Variants in STK32B observed in about 807,000 individuals in gnomAD.
The protein encoded by STK32B is serine/threonine kinase 32B.
STK32B carries 43 observed loss-of-function variants against 52.6 expected under a neutral mutation model. The ratio of observed to expected loss-of-function variants is 0.82; its 90% CI spans 0.64 to 1.05. The LOEUF is 1.05. Among genes scored for constraint, STK32B ranks in the 50% least tolerant of loss-of-function variants. STK32B has a pLI of 0.00. For missense variants in STK32B, 621 were observed against 534.6 expected (o/e 1.16, Z -1.59); for synonymous variants, 238 against 204.3 (o/e 1.17, Z -1.41).
intron 5 of STK32B, among the ~76,000 whole-genome samples, chr4:5,414,626 GTGACCCATGCAGTA>G (rs1712003196): frequency 1.3e-5 from 2 of 152,304 alleles, no homozygotes; most frequent in East Asian, 3.9e-4. Context: ...AATTTTTAGA[GTGACCCATGCAGTA>G]TGATCTCATT....
At chr4:5,274,014 AAAAC>A (rs1043616676) in intron 3 of STK32B, among the ~76,000 whole-genome samples, 17 of 152,152 alleles carry the variant, frequency 1.1e-4, no homozygotes, top group African/African-American at 2.2e-4. Flanking sequence ...ACAAAAAAAC[AAAAC>A]AAACAAAAAA....
At chr4:5,416,114 C>G (rs985238215) in intron 5 of STK32B, among the ~76,000 whole-genome samples, 1 of 152,140 alleles carries the variant, frequency 6.6e-6, no homozygotes, top group Non-Finnish European at 1.5e-5. Flanking sequence ...CCAAATTCCC[C>G]AAAAAGCAAG....
At chr4:5,221,165 T>G (rs1723512616) in intron 3 of STK32B, among the ~76,000 whole-genome samples, 1 of 152,204 alleles carries the variant, frequency 6.6e-6, no homozygotes, top group Non-Finnish European at 1.5e-5. Flanking sequence ...GATTGATGGG[T>G]TAAGAATCTG....
Position 5,457,721 on chromosome 4 carries a change from C to T in STK32B, c.783+798C>T, listed in dbSNP as rs543219128. ...CGTCTCTCTAAAAATACAAAAGTAG[C>T]CACCTACAAAAGTAGGTGGCACATG... On this transcript the variant is annotated intron_variant, in intron 8 of 11. Coordinates refer to ENST00000282908, the MANE Select transcript of STK32B (RefSeq NM_018401.3). Among the ~76,000 whole-genome samples, 21 of 151,538 alleles carry T rather than the reference C, an allele frequency of 1.4e-4. No homozygotes were observed. In the South Asian group the frequency reaches 2.9e-3, roughly 21 times the overall value.
At position 5,051,838 on chromosome 4, in the gene STK32B, T is replaced by G. The variant is rs575547497; in HGVS notation, c.-26T>G. ...CATCCGGCATCCCAGCGGCCGGGCA[T>G]GTAGCAGCGGCAGCAACGGCGGAAT... On this transcript the variant is annotated 5_prime_UTR_variant, in exon 1 of 12. An upstream start codon of the reference 5' UTR is lost. Coordinates refer to ENST00000282908, the MANE Select transcript of STK32B (RefSeq NM_018401.3). 5 of 1,587,942 alleles carry G rather than the reference T, an allele frequency of 3.1e-6. No individual in the cohort carries two copies. In the East Asian group the frequency reaches 7.0e-5, roughly 22 times the overall value.
rs959138310 is a variant in STK32B, at chr4:5,051,736, C to A, written c.-128C>A. The A allele has an allele frequency of 6.8e-6, 9 of 1,323,184 alleles. No individual in the cohort carries two copies. The African/African-American group carries it at 1.0e-4, about 15-fold the overall frequency. The allele number at this position is 1,323,184 out of a possible 1,614,324, so 82.0% of individuals were successfully genotyped here. A position where few individuals can be genotyped will look rare whatever the true frequency, so the allele number is the denominator to read the frequency against. On this transcript the variant is annotated 5_prime_UTR_variant, in exon 1 of 12. Coordinates refer to ENST00000282908, the MANE Select transcript of STK32B (RefSeq NM_018401.3). ...GCCCCTGCACGGTGCTCGGCCCCCT[C>A]GGGCTCCGCGCGCGGCTACAACCCG...
intron 10 of STK32B, 85 bp downstream of exon 10, chr4:5,466,919 G>A (rs1425512165): frequency 1.3e-6 from 2 of 1,486,542 alleles, no homozygotes; most frequent in African/African-American, 2.9e-5. Context: ...TTAGCAAAAA[G>A]GGGACATTTC....
intron 4 of STK32B, among the ~76,000 whole-genome samples, chr4:5,382,037 T>G (rs57304272): frequency 0.011 from 1,654 of 152,290 alleles, 31 homozygotes; most frequent in East Asian, 0.083. Flanking sequence ...GCTGGCACGA[T>G]TCCCCCTTGC....
At chr4:5,315,686 T>TTCTTTTTC (rs10637486) in intron 3 of STK32B, among the ~76,000 whole-genome samples, 3 of 129,250 alleles carry the variant, frequency 2.3e-5, no homozygotes, top group African/African-American at 8.4e-5. Context: ...CTTTTTCTTT[T>TTCTTTTTC]TTTTTTTTTT....
intron 3 of STK32B, among the ~76,000 whole-genome samples, chr4:5,229,152 A>G (rs560120854): frequency 1.2e-4 from 18 of 152,068 alleles, no homozygotes; most frequent in Non-Finnish European, 2.5e-4. Flanking sequence ...GGGTTGCCAG[A>G]TACTTTCAAT....
intron 4 of STK32B, among the ~76,000 whole-genome samples, chr4:5,337,348 G>A (rs1732777891): frequency 6.6e-6 from 1 of 152,018 alleles, no homozygotes; most frequent in Non-Finnish European, 1.5e-5. Flanking sequence ...CCATGTGTGA[G>A]GGTATACATT....
At chr4:5,317,180 A>ATATATATATAACATATAATAT (rs1731043182) in intron 3 of STK32B, among the ~76,000 whole-genome samples, 4 of 49,566 alleles carry the variant, frequency 8.1e-5, no homozygotes, top group Non-Finnish European at 8.4e-5. Context: ...AACATATAAT[A>ATATATATATAACATATAATAT]TATATATATA....
chr4:5,232,386 C>T (rs1724332756), intron 3 of STK32B, among the ~76,000 whole-genome samples: 1 of 152,162 alleles, frequency 6.6e-6, no homozygotes, highest in African/African-American at 2.4e-5. Context: ...AAAATATCTG[C>T]ACTTTCAACT....
intron 3 of STK32B, among the ~76,000 whole-genome samples, chr4:5,222,564 A>C (rs1723605655): frequency 6.6e-6 from 1 of 152,230 alleles, no homozygotes; most frequent in African/African-American, 2.4e-5. Context: ...CGTTTGTTAC[A>C]CAATGACAAA....
At chr4:5,316,677 A>C (rs186513770) in intron 3 of STK32B, among the ~76,000 whole-genome samples, 707 of 1,944 alleles carry the variant, frequency 0.36, 162 homozygotes, top group Non-Finnish European at 0.37. Flanking sequence ...TTATATATAT[A>C]ATATAATATA....
intron 3 of STK32B, among the ~76,000 whole-genome samples, chr4:5,259,566 A>G (rs1051541529): frequency 2.0e-5 from 3 of 152,232 alleles, no homozygotes; most frequent in African/African-American, 7.2e-5. Flanking sequence ...ACACAGTTAC[A>G]TAAAAATTTA....
intron 3 of STK32B, among the ~76,000 whole-genome samples, chr4:5,280,061 A>G (rs987857365): frequency 2.0e-5 from 3 of 152,168 alleles, no homozygotes; most frequent in Non-Finnish European, 2.9e-5. Flanking sequence ...GCTCTTCTTT[A>G]CTTATGCACA....
chr4:5,033,261 A>G, the STK32B span, among the ~76,000 whole-genome samples: 1 of 152,176 alleles, frequency 6.6e-6, no homozygotes, highest in African/African-American at 2.4e-5. Context: ...TACGGCGTCC[A>G]CAGCTGCAGC....
At position 5,121,377 on chromosome 4, in the gene STK32B, A is replaced by C. The variant is rs546755758; in HGVS notation, c.53-18528A>C. ...CAATGGCAAATTGTAAGCACTTTAC[A>C]TGTATTAAAAGAATTTGGTCCCACA... is the stretch of plus-strand genomic sequence containing the variant. On this transcript the variant is annotated intron_variant, in intron 1 of 11. Coordinates refer to ENST00000282908, the MANE Select transcript of STK32B (RefSeq NM_018401.3). Among the ~76,000 whole-genome samples the C allele has an allele frequency of 3.9e-5, 6 of 152,262 alleles. No individual in the cohort carries two copies. In the South Asian group the frequency reaches 6.2e-4, roughly 16 times the overall value.
Sources: gnomAD v4.1 joint callset for allele counts (sites outside exome capture counted in the v4.1 genomes callset) on GRCh38, gnomAD v4.1.1 for gene constraint, MANE v1.5 for transcripts, NCBI Gene and HGNC (gene_info 2026-07-23, HGNC 2026-07-21) for gene names.